Variants in CENPS observed in about 807,000 individuals in gnomAD.
CENPS encodes the protein centromere protein S.
A neutral mutation model predicts 17.9 loss-of-function variants in CENPS; 16 were observed. The observed-to-expected ratio is 0.90, with a 90% CI of 0.61 to 1.36. The LOEUF is 1.36. Among genes scored for constraint, CENPS ranks in the 40% most tolerant of loss-of-function variants. The probability of loss-of-function intolerance (pLI) is 0.00; values close to 1 mark genes in which losing one functional copy is unlikely to be tolerated. For synonymous variants in CENPS, 49 were observed against 55.8 expected (o/e 0.88, Z 0.54); for missense variants, 160 against 158.6 (o/e 1.01, Z -0.05).
chr1:10,430,866 C>G (rs1026575783), intron 1 of CENPS: 1 of 1,309,296 alleles, frequency 7.6e-7, no homozygotes, highest in African/African-American at 1.6e-5. Flanking sequence ...CCTCGGTTTC[C>G]CCTTCTCAGA....
chr1:10,431,756 A>AT (rs1419934172), intron 1 of CENPS, among the ~76,000 whole-genome samples: 1 of 150,828 alleles, frequency 6.6e-6, no homozygotes, highest in African/African-American at 2.4e-5. Context: ...CGGGACGTTG[A>AT]GGCAGGGGAA....
intron 1 of CENPS, 80 bp from the exon 2 acceptor site, chr1:10,433,762 T>C (rs1479563055): frequency 6.3e-7 from 1 of 1,595,166 alleles, no homozygotes; most frequent in Non-Finnish European, 8.6e-7. Context: ...GCAGACCCTC[T>C]CCTTGGTCTT....
intron 1 of CENPS, chr1:10,431,356 T>C (rs959867618): frequency 6.5e-7 from 1 of 1,535,230 alleles, no homozygotes; most frequent in Non-Finnish European, 8.7e-7. Context: ...ACCCTGCCCC[T>C]TGTCTTTTGA....
chr1:10,437,758 A>ATTTTTTTT (rs59257602), intron 3 of CENPS, among the ~76,000 whole-genome samples: 1 of 123,194 alleles, frequency 8.1e-6, no homozygotes, highest in African/African-American at 3.2e-5. Flanking sequence ...TGCCTGGCCA[A>ATTTTTTTT]TTTTTTTTTT....
intron 3 of CENPS, among the ~76,000 whole-genome samples, chr1:10,436,777 G>A (rs1458316253): frequency 1.3e-5 from 2 of 151,536 alleles, no homozygotes; most frequent in Admixed American, 6.6e-5. Flanking sequence ...AACTGAGTGA[G>A]TGCAGAGTCC....
At chr1:10,434,038 G>T (rs1220468743) in intron 2 of CENPS, 73 bp downstream of exon 2, 3 of 1,594,652 alleles carry the variant, frequency 1.9e-6, no homozygotes, top group Non-Finnish European at 2.6e-6. Context: ...CAGTGCGTGG[G>T]TGGGAGCTGT....
intron 3 of CENPS, among the ~76,000 whole-genome samples, chr1:10,436,037 G>A (rs1640143445): frequency 1.3e-5 from 2 of 151,066 alleles, no homozygotes; most frequent in South Asian, 2.1e-4. Context: ...GAGTGCAGTG[G>A]TGCAATCTTG....
intron 1 of CENPS, chr1:10,430,975 G>T: frequency 7.9e-7 from 1 of 1,267,766 alleles, no homozygotes; most frequent in Non-Finnish European, 1.0e-6. Flanking sequence ...GCTGGCCCTG[G>T]AGGCGTCGAC....
At chr1:10,438,813 T>C (rs911833753) in intron 3 of CENPS, among the ~76,000 whole-genome samples, 4 of 152,208 alleles carry the variant, frequency 2.6e-5, no homozygotes, top group Non-Finnish European at 5.9e-5. Flanking sequence ...AAGTTCACTA[T>C]GTAAACAGTT....
chr1:10,433,246 A>G (rs1436028386), intron 1 of CENPS, among the ~76,000 whole-genome samples: 1 of 152,114 alleles, frequency 6.6e-6, no homozygotes, highest in African/African-American at 2.4e-5. Flanking sequence ...GATCTTTTTC[A>G]GTATTGAAAA....
chr1:10,441,040 A>G (rs947321817), intron 4 of CENPS, among the ~76,000 whole-genome samples: 2 of 152,202 alleles, frequency 1.3e-5, no homozygotes, highest in Non-Finnish European at 2.9e-5. Context: ...TTCTCTCTCC[A>G]TCTGTGTTGC....
Position 10,432,474 on chromosome 1 carries a change from C to T in CENPS, c.52-1368C>T, listed in dbSNP as rs530206907. 5.9e-5 allele frequency among the ~76,000 whole-genome samples: 9 copies of T among 152,264 alleles called. No homozygotes were observed. The South Asian group carries it at 1.9e-3, about 32-fold the overall frequency. ...GCAAAGATGGGCTGAGAAATTTGCCCCTCAGCTGTGATTAGCTTGTAGACG... is the reference window on the plus strand; with the variant it reads ...GCAAAGATGGGCTGAGAAATTTGCCTCTCAGCTGTGATTAGCTTGTAGACG... On this transcript the variant is annotated intron_variant, in intron 1 of 4. Coordinates refer to ENST00000309048, the MANE Select transcript of CENPS (RefSeq NM_199294.3).
intron 1 of CENPS, chr1:10,431,077 T>C (rs909143395): frequency 1.5e-6 from 2 of 1,377,986 alleles, no homozygotes; most frequent in Middle Eastern, 2.7e-4. Flanking sequence ...CGCCAACTTG[T>C]GATCGTATCG....
intron 1 of CENPS, chr1:10,431,373 C>A: frequency 1.3e-6 from 2 of 1,535,348 alleles, no homozygotes; most frequent in Non-Finnish European, 1.7e-6. Context: ...TTGAGAAGTT[C>A]AAACCTTCAG....
At chr1:10,441,786 T>C (rs1400846846) in intron 4 of CENPS, among the ~76,000 whole-genome samples, 1 of 151,378 alleles carries the variant, frequency 6.6e-6, no homozygotes, top group East Asian at 2.0e-4. Flanking sequence ...CCACCACACC[T>C]GGCTAATTTT....
intron 3 of CENPS, among the ~76,000 whole-genome samples, chr1:10,439,502 C>G (rs1160152823): frequency 6.6e-6 from 1 of 152,080 alleles, no homozygotes; most frequent in Non-Finnish European, 1.5e-5. Context: ...AATCCCAGCA[C>G]TTTGGGAGGC....
rs1640460001 is a variant in CENPS, at chr1:10,442,500, A to G, written c.*95A>G. On this transcript the variant is annotated 3_prime_UTR_variant, in exon 5 of 5. Transcript: ENST00000309048. Reference sequence around the variant, plus strand: ...GGAAACTTTGAAGGGTTAAATAGAGATTTAAAAAAATAAAATAAAAAGGCT... The same window carrying G: ...GGAAACTTTGAAGGGTTAAATAGAGGTTTAAAAAAATAAAATAAAAAGGCT... 18 of 1,371,530 alleles carry G rather than the reference A, an allele frequency of 1.3e-5. No homozygotes were observed. Among genetic ancestry groups the G allele is most frequent in the South Asian group, 2.3e-5 (1 of 43,814 alleles). The allele number at this position is 1,371,530 out of a possible 1,614,324, so 85.0% of individuals were successfully genotyped here.
chr1:10,433,238 T>C (rs586223), intron 1 of CENPS, among the ~76,000 whole-genome samples: 73,976 of 151,908 alleles, frequency 0.49, 18,141 homozygotes, highest in South Asian at 0.58. Context: ...GGTGGAGAGA[T>C]CTTTTTCAGT....
chr1:10,433,716 C>G (rs951777178), intron 1 of CENPS, 126 bp from the exon 2 acceptor site: 1 of 1,504,204 alleles, frequency 6.6e-7, no homozygotes, highest in Non-Finnish European at 8.9e-7. Flanking sequence ...AAAAGCCACT[C>G]AGCCATTATG....
Sources: gnomAD v4.1 joint callset for allele counts (sites outside exome capture counted in the v4.1 genomes callset) on GRCh38, gnomAD v4.1.1 for gene constraint, MANE v1.5 for transcripts, NCBI Gene and HGNC (gene_info 2026-07-23, HGNC 2026-07-21) for gene names.